The following RPTOR variants were observed in gnomAD, a reference collection of about 807,000 sequenced individuals.
RPTOR encodes the protein regulatory-associated protein of mTOR.
RPTOR carries 21 observed loss-of-function variants against 169.9 expected under a neutral mutation model. The ratio of observed to expected loss-of-function variants is 0.12; its 90% CI spans 0.09 to 0.18. The LOEUF is 0.18. Among genes scored for constraint, RPTOR ranks in the 10% least tolerant of loss-of-function variants. The pLI, the probability that RPTOR is intolerant of heterozygous loss-of-function variation, is 1.00. For missense variants in RPTOR, 1,133 were observed against 1,855.9 expected, an observed-to-expected ratio of 0.61 and a Z score of 7.16; for synonymous variants, 732 against 753.2, an observed-to-expected ratio of 0.97 and a Z score of 0.46.
intron 3 of RPTOR, among the ~76,000 whole-genome samples, chr17:80,674,804 A>C (rs867558661): frequency 0.027 from 1,896 of 70,954 alleles, 152 homozygotes; most frequent in African/African-American, 0.13. Flanking sequence ...AAAAAAAAAA[A>C]AAAAAAAAAA....
At chr17:80,676,787 C>A (rs2065864257) in intron 3 of RPTOR, among the ~76,000 whole-genome samples, 1 of 152,206 alleles carries the variant, frequency 6.6e-6, no homozygotes, top group African/African-American at 2.4e-5. Context: ...CAGGCTCTGT[C>A]CCTGTGTATT....
intron 2 of RPTOR, among the ~76,000 whole-genome samples, chr17:80,636,079 C>T (rs1294573473): frequency 6.6e-6 from 1 of 152,162 alleles, no homozygotes; most frequent in African/African-American, 2.4e-5. Context: ...TTAATCAAGA[C>T]TCCAGCTTTA....
chr17:80,859,915 C>T (rs547040392), intron 13 of RPTOR, among the ~76,000 whole-genome samples: 111 of 152,318 alleles, frequency 7.3e-4, no homozygotes, highest in African/African-American at 2.5e-3. Flanking sequence ...TGCGAGGGGC[C>T]GGCACCCCAC....
At chr17:80,725,077 G>A (rs2066320195) in intron 4 of RPTOR, among the ~76,000 whole-genome samples, 3 of 152,208 alleles carry the variant, frequency 2.0e-5, no homozygotes, top group Admixed American at 2.0e-4. Context: ...TTTAACTTAA[G>A]CCAAAACCCA....
At chr17:80,668,978 C>T (rs570534717) in intron 3 of RPTOR, among the ~76,000 whole-genome samples, 1 of 146,224 alleles carries the variant, frequency 6.8e-6, no homozygotes, top group Admixed American at 6.8e-5. Context: ...TGTGGGTCTG[C>T]TGCCTCCCGG....
At chr17:80,937,892 G>T (rs993788703) in intron 24 of RPTOR, among the ~76,000 whole-genome samples, 1 of 152,206 alleles carries the variant, frequency 6.6e-6, no homozygotes, top group Non-Finnish European at 1.5e-5. Context: ...CTCCACTTCT[G>T]CCCATGCTTG....
At chr17:80,761,955 G>A (rs1200959687) in intron 6 of RPTOR, among the ~76,000 whole-genome samples, 2 of 152,174 alleles carry the variant, frequency 1.3e-5, no homozygotes, top group African/African-American at 4.8e-5. Flanking sequence ...TTTGGAATTT[G>A]CGTCTGGAGA....
Position 80,746,875 on chromosome 17 carries a change from C to T in RPTOR, c.655-7135C>T, listed in dbSNP as rs1371256064. ...CCCTTGGGTTAGCAATCCTGAAGAA[C>T]GTTCATTGGCAGAACCCTTTGGCTT... On this transcript the variant is annotated intron_variant, in intron 5 of 33. Coordinates refer to ENST00000306801, the MANE Select transcript of RPTOR (RefSeq NM_020761.3). The surrounding 1 kb of genome is among the most constrained non-coding windows in gnomAD (Gnocchi z 4.5). Among the ~76,000 whole-genome samples the T allele has an allele frequency of 1.4e-5, 2 of 147,502 alleles. No individual in the cohort carries two copies. Among genetic ancestry groups the T allele is most frequent in the Admixed American group, 6.7e-5 (1 of 14,964 alleles).
At chr17:80,892,951 C>CCGAGA in intron 19 of RPTOR, 82 bp downstream of exon 19, 1 of 1,504,504 alleles carries the variant, frequency 6.6e-7, no homozygotes, top group South Asian at 1.2e-5. Context: ...GTAAGCACCA[C>CCGAGA]TCTGCCCCTG....
intron 32 of RPTOR, 96 bp downstream of exon 32, chr17:80,962,673 G>A (rs1450099602): frequency 1.7e-6 from 2 of 1,176,030 alleles, no homozygotes; most frequent in Middle Eastern, 2.2e-4. Context: ...AGGAGCTGAA[G>A]GAGGGCAGGG....
In RPTOR at chr17:80,571,350, C is replaced by T. The variant is rs138167554; in HGVS notation, c.162+25559C>T. On this transcript the variant is annotated intron_variant, in intron 1 of 33. Transcript: ENST00000306801. ...ATTAGGAAGTAAAGAATACAGAAAA[C>T]ATCTATTTACAATTCCATCAGTATT... Among the ~76,000 whole-genome samples the T allele has an allele frequency of 1.6e-4, 24 of 152,228 alleles. No individual in the cohort carries two copies. The East Asian group carries it at 4.2e-3, about 27-fold the overall frequency.
At chr17:80,784,671 G>C (rs182953859) in intron 6 of RPTOR, among the ~76,000 whole-genome samples, 1 of 149,840 alleles carries the variant, frequency 6.7e-6, no homozygotes, top group South Asian at 2.1e-4. Flanking sequence ...GGGATTACAG[G>C]CATGAGCCAC....
intron 3 of RPTOR, among the ~76,000 whole-genome samples, chr17:80,663,311 G>A (rs1370358000): frequency 1.3e-5 from 2 of 152,140 alleles, no homozygotes; most frequent in African/African-American, 4.8e-5. Flanking sequence ...TTTCTCTTGA[G>A]TGTATGGGAT....
At chr17:80,681,813 T>A (rs9319611) in intron 3 of RPTOR, among the ~76,000 whole-genome samples, 54,185 of 87,424 alleles carry the variant, frequency 0.62, 18,104 homozygotes, top group African/African-American at 0.84. Context: ...TTACACCTTC[T>A]TGAGGTTGAA....
chr17:80,682,258 C>T (rs2143710164), intron 3 of RPTOR, among the ~76,000 whole-genome samples: 1 of 152,196 alleles, frequency 6.6e-6, no homozygotes, highest in East Asian at 1.9e-4. Context: ...CCTGCGCCAC[C>T]ACACCCAGCT....
At chr17:80,962,662 C>T (rs1488408901) in intron 32 of RPTOR, 85 bp downstream of exon 32, 45 of 1,313,996 alleles carry the variant, frequency 3.4e-5, no homozygotes, top group Non-Finnish European at 1.9e-5. Flanking sequence ...TTCCTGCCCC[C>T]AGGAGCTGAA....
At chr17:80,949,291 C>T (rs2069143332) in intron 27 of RPTOR, 152 bp from the exon 28 acceptor site, 2 of 711,854 alleles carry the variant, frequency 2.8e-6, no homozygotes, top group South Asian at 3.2e-5. Context: ...TCGGTGGGCA[C>T]CCAGAGATCT....
At chr17:80,696,090 G>A (rs563720379) in intron 3 of RPTOR, among the ~76,000 whole-genome samples, 6 of 152,246 alleles carry the variant, frequency 3.9e-5, no homozygotes, top group East Asian at 1.9e-4. Flanking sequence ...AGATTTTTCC[G>A]GCAGGGCTGC....
intron 7 of RPTOR, chr17:80,805,709 A>G (rs1421503884): frequency 6.6e-6 from 1 of 152,150 alleles, no homozygotes; most frequent in East Asian, 1.9e-4. Context: ...TTATGTCATC[A>G]ACATGTTGAA....
Sources: allele counts gnomAD v4.1 joint callset (sites outside exome capture counted in the v4.1 genomes callset), GRCh38; gene constraint gnomAD v4.1.1; non-coding constraint Gnocchi (gnomAD v3.1); transcripts MANE v1.5; gene names NCBI Gene and HGNC (gene_info 2026-07-23, HGNC 2026-07-21).